Variants in CNTNAP2 observed in about 807,000 individuals in gnomAD.
CNTNAP2 encodes the protein contactin-associated protein-like 2.
A neutral mutation model predicts 155.2 loss-of-function variants in CNTNAP2; 98 were observed. The observed-to-expected ratio is 0.63, with a 90% CI of 0.54 to 0.75. The LOEUF is 0.75. Ranked by LOEUF, CNTNAP2 falls within the 30% of genes least tolerant of loss-of-function variation. The pLI is 0.00. For missense variants in CNTNAP2, 1,727 were observed against 1,688.1 expected, an observed-to-expected ratio of 1.02 and a Z score of -0.40; for synonymous variants, 651 against 631.2, an observed-to-expected ratio of 1.03 and a Z score of -0.47.
At position 146,966,288 on chromosome 7, in the gene CNTNAP2, G is replaced by A. The variant is rs1399179889; in HGVS notation, c.403-77619G>A. Among the ~76,000 whole-genome samples the A allele has an allele frequency of 3.3e-5, 5 of 152,138 alleles. No homozygotes were observed. In the South Asian group the frequency reaches 8.3e-4, roughly 25 times the overall value. ...CTCATCTGTGTATGCTTTATGAAAGGCACAAACTCTCTGAGCCCAAAGGGT... is the reference window on the plus strand; with the variant it reads ...CTCATCTGTGTATGCTTTATGAAAGACACAAACTCTCTGAGCCCAAAGGGT... On this transcript the variant is annotated intron_variant, in intron 3 of 23. Coordinates refer to ENST00000361727, the MANE Select transcript of CNTNAP2 (RefSeq NM_014141.6).
At chr7:146,270,235 C>G (rs770654212) in intron 1 of CNTNAP2, among the ~76,000 whole-genome samples, 1 of 152,128 alleles carries the variant, frequency 6.6e-6, no homozygotes, top group South Asian at 2.1e-4. Flanking sequence ...GTATAGAATT[C>G]TTTTGTATAG....
chr7:148,231,686 C>T (rs1395391277), intron 20 of CNTNAP2, among the ~76,000 whole-genome samples: 4 of 152,000 alleles, frequency 2.6e-5, no homozygotes, highest in South Asian at 2.1e-4. Context: ...ATTTTGTTAC[C>T]GGAAGAAGGG....
chr7:147,225,192 C>T (rs1316308793), intron 8 of CNTNAP2, among the ~76,000 whole-genome samples: 1 of 152,170 alleles, frequency 6.6e-6, no homozygotes, highest in African/African-American at 2.4e-5. Context: ...CACCATATTG[C>T]TCACTATAAA....
chr7:147,376,843 T>C (rs756533785), intron 9 of CNTNAP2, among the ~76,000 whole-genome samples: 78 of 152,010 alleles, frequency 5.1e-4, no homozygotes, highest in Non-Finnish European at 8.4e-4. Context: ...AACACTACTG[T>C]ATATTACAAA....
intron 3 of CNTNAP2, among the ~76,000 whole-genome samples, chr7:146,848,087 C>T (rs1449876015): frequency 6.6e-6 from 1 of 152,122 alleles, no homozygotes; most frequent in Non-Finnish European, 1.5e-5. Flanking sequence ...AAGGACAAAT[C>T]AGCTGCACCA....
chr7:148,043,292 T>C (rs1802711450), intron 15 of CNTNAP2, among the ~76,000 whole-genome samples: 1 of 152,260 alleles, frequency 6.6e-6, no homozygotes, highest in Non-Finnish European at 1.5e-5. Context: ...TTAACCATTA[T>C]AAAATCATGT....
chr7:147,224,158 T>G (rs1803471339), intron 8 of CNTNAP2, among the ~76,000 whole-genome samples: 1 of 152,112 alleles, frequency 6.6e-6, no homozygotes, highest in South Asian at 2.1e-4. Flanking sequence ...GTGACCTTAC[T>G]TCTGTTTTGG....
chr7:147,447,413 G>A (rs566206818), intron 10 of CNTNAP2, among the ~76,000 whole-genome samples: 1 of 152,224 alleles, frequency 6.6e-6, no homozygotes, highest in African/African-American at 2.4e-5. Context: ...TTGGGGTTAT[G>A]TTTACTTGCT....
intron 15 of CNTNAP2, among the ~76,000 whole-genome samples, chr7:148,076,668 C>T (rs963133302): frequency 6.6e-6 from 1 of 151,770 alleles, no homozygotes; most frequent in Non-Finnish European, 1.5e-5. Context: ...ATCTCCTGAC[C>T]TCGTGATCCA....
intron 3 of CNTNAP2, among the ~76,000 whole-genome samples, chr7:146,867,775 T>C (rs930454752): frequency 4.8e-5 from 2 of 41,854 alleles, no homozygotes; most frequent in Non-Finnish European, 1.0e-4. Flanking sequence ...TGATCAGTGA[T>C]AGTGACTTTT....
chr7:147,420,545 A>G (rs1481893641), intron 10 of CNTNAP2, among the ~76,000 whole-genome samples: 1 of 152,202 alleles, frequency 6.6e-6, no homozygotes, highest in Non-Finnish European at 1.5e-5. Context: ...TTGATACAGC[A>G]AAAGATCACA....
At chr7:147,581,029 C>T (rs955920872) in intron 12 of CNTNAP2, among the ~76,000 whole-genome samples, 18 of 152,196 alleles carry the variant, frequency 1.2e-4, no homozygotes, top group African/African-American at 3.4e-4. Context: ...CTAGACATGG[C>T]ACTTCATGTG....
chr7:146,705,445 G>C (rs554055260), intron 1 of CNTNAP2, among the ~76,000 whole-genome samples: 32 of 152,118 alleles, frequency 2.1e-4, no homozygotes, highest in African/African-American at 7.5e-4. Context: ...TTTTAAAAAG[G>C]CACTAATGAC....
At chr7:148,261,721 C>T (rs578195253) in intron 20 of CNTNAP2, among the ~76,000 whole-genome samples, 2 of 152,072 alleles carry the variant, frequency 1.3e-5, no homozygotes, top group Non-Finnish European at 2.9e-5. Flanking sequence ...GCTACCAGGG[C>T]GGTTCAGACA....
At chr7:148,232,997 C>T (rs1387950312) in intron 20 of CNTNAP2, among the ~76,000 whole-genome samples, 2 of 152,178 alleles carry the variant, frequency 1.3e-5, no homozygotes, top group African/African-American at 2.4e-5. Context: ...TATCAGACAC[C>T]AGCGTGAACC....
intron 11 of CNTNAP2, among the ~76,000 whole-genome samples, chr7:147,553,678 G>T (rs938861404): frequency 6.6e-6 from 1 of 152,154 alleles, no homozygotes; most frequent in African/African-American, 2.4e-5. Flanking sequence ...ATTAGTAGGT[G>T]TTCCTAAAAT....
At chr7:146,251,864 G>T (rs896170474) in intron 1 of CNTNAP2, among the ~76,000 whole-genome samples, 1 of 152,198 alleles carries the variant, frequency 6.6e-6, no homozygotes, top group South Asian at 2.1e-4. Flanking sequence ...GGATTCTATG[G>T]TGTGATAATA....
chr7:148,274,132 C>A (rs1399231859), intron 21 of CNTNAP2, among the ~76,000 whole-genome samples: 1 of 152,016 alleles, frequency 6.6e-6, no homozygotes, highest in Non-Finnish European at 1.5e-5. Context: ...TCCTTTTATC[C>A]CTTTGGCATG....
intron 18 of CNTNAP2, among the ~76,000 whole-genome samples, chr7:148,213,675 C>T (rs1232856888): frequency 6.6e-6 from 1 of 152,134 alleles, no homozygotes; most frequent in Non-Finnish European, 1.5e-5. Flanking sequence ...AGCAGAACCT[C>T]TCTCTGTGGC....
Sources: allele counts gnomAD v4.1 joint callset (sites outside exome capture counted in the v4.1 genomes callset), GRCh38; gene constraint gnomAD v4.1.1; transcripts MANE v1.5; gene names NCBI Gene and HGNC (gene_info 2026-07-23, HGNC 2026-07-21).